The following SDK2 variants were observed in gnomAD, a reference collection of about 807,000 sequenced individuals.
SDK2 encodes the protein sidekick cell adhesion molecule 2.
Under a neutral mutation model 253.9 loss-of-function variants are expected in SDK2, and 105 were observed. The observed-to-expected ratio is 0.41, with a 90% CI of 0.35 to 0.49. SDK2 has a LOEUF of 0.49. Among genes scored for constraint, SDK2 ranks in the 20% least tolerant of loss-of-function variants. The probability of loss-of-function intolerance (pLI) is 0.06; values close to 1 mark genes in which losing one functional copy is unlikely to be tolerated. For synonymous variants in SDK2, 1,249 were observed against 1,234.9 expected (o/e 1.01, Z -0.24); for missense variants, 2,608 against 3,003.0 (o/e 0.87, Z 3.07).
intron 1 of SDK2, among the ~76,000 whole-genome samples, chr17:73,598,863 C>T (rs1413580726): frequency 1.3e-5 from 2 of 152,236 alleles, no homozygotes; most frequent in Non-Finnish European, 2.9e-5. Context: ...AGCACCTCTC[C>T]TGCTTTCCGT....
At chr17:73,567,848 C>A (rs1344352196) in intron 1 of SDK2, among the ~76,000 whole-genome samples, 1 of 152,230 alleles carries the variant, frequency 6.6e-6, no homozygotes, top group African/African-American at 2.4e-5. Flanking sequence ...ACCATTGTAT[C>A]TTGAAAGTAA....
At chr17:73,506,838 T>G (rs1459998077) in intron 2 of SDK2, among the ~76,000 whole-genome samples, 4 of 152,226 alleles carry the variant, frequency 2.6e-5, no homozygotes, top group Non-Finnish European at 5.9e-5. Flanking sequence ...CCCTATTCTC[T>G]TTCCCTGCTC....
At chr17:73,376,065 GCACC>G (rs2062778055) in intron 36 of SDK2, among the ~76,000 whole-genome samples, 1 of 151,612 alleles carries the variant, frequency 6.6e-6, no homozygotes, top group African/African-American at 2.4e-5. Flanking sequence ...ATGGTGGCAG[GCACC>G]TGTAATCCCA....
Position 73,379,261 on chromosome 17 carries a change from G to A in SDK2, c.4896C>T (p.Val1632=), listed in dbSNP as rs1481114812. ...VPTAAPRNVV[V]HGATATQLDV... ...CCAGCTGTGTGGCCGTGGCGCCGTG[G>A]ACGACCACGTTACGAGGTGCTGCTG... Residue 1632 remains valine (V), a synonymous_variant, in exon 36 of 45, where the codon GTC becomes GTT. Coordinates refer to ENST00000392650, the MANE Select transcript of SDK2 (RefSeq NM_001144952.2). The surrounding 1 kb of genome is among the most constrained non-coding windows in gnomAD (Gnocchi z 4.5). The A allele has an allele frequency of 5.1e-6, 8 of 1,555,688 alleles. No homozygotes were observed. Among genetic ancestry groups the A allele is most frequent in the East Asian group, 2.4e-5 (1 of 41,232 alleles).
chr17:73,626,298 G>T (rs112192916), intron 1 of SDK2, among the ~76,000 whole-genome samples: 5 of 151,984 alleles, frequency 3.3e-5, no homozygotes, highest in African/African-American at 9.7e-5. Context: ...GGGCTCGGGA[G>T]GGGGAGGACA....
At chr17:73,469,677 A>C (rs1012956332) in intron 3 of SDK2, among the ~76,000 whole-genome samples, 24 of 151,824 alleles carry the variant, frequency 1.6e-4, no homozygotes, top group Non-Finnish European at 3.2e-4. Flanking sequence ...AGTTCCCCCC[A>C]CCCTGGGTTT....
At chr17:73,535,481 CAT>C (rs1228694031) in intron 1 of SDK2, among the ~76,000 whole-genome samples, 1 of 152,200 alleles carries the variant, frequency 6.6e-6, no homozygotes, top group Non-Finnish European at 1.5e-5. Flanking sequence ...TCCTGGGGAA[CAT>C]AGACTGTTTC....
chr17:73,486,610 T>TAAAA (rs34896987), intron 2 of SDK2, among the ~76,000 whole-genome samples: 6 of 96,452 alleles, frequency 6.2e-5, no homozygotes, highest in Non-Finnish European at 9.9e-5. Flanking sequence ...ACTCTGCTTC[T>TAAAA]AAAAAAAAAA....
chr17:73,413,227 G>A (rs755948050), intron 18 of SDK2, among the ~76,000 whole-genome samples: 1 of 151,910 alleles, frequency 6.6e-6, no homozygotes, highest in Non-Finnish European at 1.5e-5. Context: ...GTGAACTGTG[G>A]ATGTGAGGGA....
intron 36 of SDK2, among the ~76,000 whole-genome samples, chr17:73,372,239 G>A (rs752279749): frequency 1.5e-4 from 23 of 152,180 alleles, no homozygotes; most frequent in Non-Finnish European, 2.5e-4. Flanking sequence ...ACTGACACGC[G>A]TGCAAAGGAC....
intron 3 of SDK2, among the ~76,000 whole-genome samples, chr17:73,471,731 A>C (rs972325309): frequency 1.3e-5 from 2 of 152,146 alleles, no homozygotes; most frequent in African/African-American, 4.8e-5. Context: ...ACCACAGAGG[A>C]GGCATTGGAA....
chr17:73,523,157 C>T (rs1298237435), intron 1 of SDK2, among the ~76,000 whole-genome samples: 1 of 152,052 alleles, frequency 6.6e-6, no homozygotes. Context: ...TCATTTTTTC[C>T]ACCTGTTAAA....
intron 2 of SDK2, among the ~76,000 whole-genome samples, chr17:73,479,188 C>T (rs1476676001): frequency 6.6e-6 from 1 of 152,268 alleles, no homozygotes; most frequent in Non-Finnish European, 1.5e-5. Flanking sequence ...GTGCCTGCTG[C>T]CTGCAGGTGT....
At chr17:73,556,811 GA>G in intron 1 of SDK2, among the ~76,000 whole-genome samples, 1 of 152,302 alleles carries the variant, frequency 6.6e-6, no homozygotes, top group African/African-American at 2.4e-5. Context: ...TATTGCTTTT[GA>G]GGGGATTTTC....
At chr17:73,354,391 G>A (rs555380395) in intron 40 of SDK2, among the ~76,000 whole-genome samples, 2 of 152,170 alleles carry the variant, frequency 1.3e-5, no homozygotes, top group Admixed American at 6.5e-5. Flanking sequence ...GGTGCTGCCT[G>A]GGTCAGGGAC....
At position 73,415,831 on chromosome 17, in the gene SDK2, G is replaced by C. The variant is rs144120477; in HGVS notation, c.2348C>G (p.Thr783Ser). ...AGLGVYSSKVTEWTLQGVPTV... is the reference protein window; with the variant it reads ...AGLGVYSSKVSEWTLQGVPTV... ...CCTACCTCCCTGCAGCGTCCACTCG[G>C]TGACTTTACTGCTGTAGACCCCCAG... The change falls in exon 17 of 45, where the codon ACC (threonine) becomes AGC (serine). Residue 783 changes from threonine (T) to serine (S), a missense_variant. Physicochemically the swap from Thr to Ser is moderately conservative, Grantham distance 58. Transcript: ENST00000392650. 2.3e-4 allele frequency: 361 copies of C among 1,554,410 alleles called. No homozygotes were observed. The highest frequency in any genetic ancestry group is 2.9e-4 in the Non-Finnish European group (333 of 1,148,490).
chr17:73,608,793 C>T (rs975167245), intron 1 of SDK2, among the ~76,000 whole-genome samples: 12 of 152,246 alleles, frequency 7.9e-5, no homozygotes, highest in African/African-American at 2.9e-4. Flanking sequence ...GCACTAACAG[C>T]AGCCCACACT....
chr17:73,476,346 T>C (rs1393463052), intron 2 of SDK2, among the ~76,000 whole-genome samples: 1 of 152,232 alleles, frequency 6.6e-6, no homozygotes, highest in Non-Finnish European at 1.5e-5. Flanking sequence ...TACTCCAGAA[T>C]GTGTTATCTC....
chr17:73,541,526 G>A lies in SDK2; in HGVS notation c.65-33929C>T, dbSNP rs971383430. ...CCCATTTCACAGACAAGGACCCCGA[G>A]ATAGGTAGAGGGGTGAGTGCCCGTG... On this transcript the variant is annotated intron_variant, in intron 1 of 44. Transcript: ENST00000392650. This position sits in a 1 kb window ranked among gnomAD's most constrained non-coding sequence, Gnocchi z 4.3. Among the ~76,000 whole-genome samples the A allele has an allele frequency of 6.6e-5, 10 of 152,130 alleles. 1 individual carries two copies. The highest frequency in any genetic ancestry group is 3.9e-4 in the East Asian group (2 of 5,176).
Sources: allele counts gnomAD v4.1 joint callset (sites outside exome capture counted in the v4.1 genomes callset), GRCh38; gene constraint gnomAD v4.1.1; non-coding constraint Gnocchi (gnomAD v3.1); transcripts MANE v1.5; gene names NCBI Gene and HGNC (gene_info 2026-07-23, HGNC 2026-07-21).